Variants in ZBBX observed in about 807,000 individuals in gnomAD.
The protein encoded by ZBBX is zinc finger B-box domain containing, also known as zinc finger B-box domain-containing protein 1.
In ZBBX, 101 loss-of-function variants were observed where a neutral mutation model predicts 108.5. The ratio of observed to expected loss-of-function variants is 0.93; its 90% confidence interval spans 0.79 to 1.10. ZBBX has a LOEUF of 1.10. Among genes scored for constraint, ZBBX ranks in the 50% least tolerant of loss-of-function variants. The probability of loss-of-function intolerance (pLI) is 0.00; values close to 1 mark genes in which losing one functional copy is unlikely to be tolerated. For missense variants in ZBBX, 1,009 were observed against 941.4 expected, an observed-to-expected ratio of 1.07 and a Z score of -0.94; for synonymous variants, 356 against 323.4, an observed-to-expected ratio of 1.10 and a Z score of -1.08.
downstream of ZBBX, among the ~76,000 whole-genome samples, chr3:167,239,342 T>C (rs1720363019): frequency 6.6e-6 from 1 of 152,128 alleles, no homozygotes; most frequent in Admixed American, 6.6e-5. Flanking sequence ...TAGAATATAA[T>C]TGACCCTTGA....
chr3:167,309,049 C>A (rs953021173), intron 16 of ZBBX, among the ~76,000 whole-genome samples: 1 of 152,088 alleles, frequency 6.6e-6, no homozygotes, highest in Non-Finnish European at 1.5e-5. Flanking sequence ...ACCTGATGAC[C>A]CAGAAGTTGC....
chr3:167,205,527 G>C, the ZBBX span, among the ~76,000 whole-genome samples: 5 of 152,110 alleles, frequency 3.3e-5, no homozygotes, highest in Admixed American at 3.3e-4. Context: ...TGACTTTATA[G>C]AATTACTGAA....
intron 1 of ZBBX, among the ~76,000 whole-genome samples, chr3:167,400,585 T>C (rs1041072497): frequency 5.3e-5 from 8 of 152,110 alleles, no homozygotes; most frequent in African/African-American, 1.9e-4. Flanking sequence ...TTTAAATTCC[T>C]TATAGTACCG....
rs201613366 is a variant in ZBBX at position 167,348,441 on chromosome 3, AG to A, written c.528+1978del. On this transcript the variant is annotated intron_variant, in intron 9 of 21. Transcript: ENST00000675490. ...AAAGAGAAGAGGGAGAGAGAAAGAG[AG>A]AGAAGGAGAGAAAGAGGAAAGAAAG... Among the ~76,000 whole-genome samples the A allele has an allele frequency of 2.1e-3, 301 of 145,912 alleles. 4 individuals carry two copies. Among genetic ancestry groups the A allele is most frequent in the African/African-American group, 7.6e-3 (299 of 39,406 alleles).
intron 10 of ZBBX, among the ~76,000 whole-genome samples, chr3:167,329,607 A>T (rs1168614999): frequency 6.6e-6 from 1 of 152,220 alleles, no homozygotes; most frequent in Non-Finnish European, 1.5e-5. Flanking sequence ...TCCATAAGCA[A>T]AAAGTGCCAA....
chr3:167,180,187 G>A, the ZBBX span, among the ~76,000 whole-genome samples: 1 of 152,116 alleles, frequency 6.6e-6, no homozygotes, highest in Admixed American at 6.6e-5. Context: ...ATTTATTTGA[G>A]CATTATGCAC....
the ZBBX span, among the ~76,000 whole-genome samples, chr3:167,193,996 G>A: frequency 6.6e-6 from 1 of 151,948 alleles, no homozygotes; most frequent in Admixed American, 6.6e-5. Context: ...GTTGAAGAGA[G>A]GTTGGGAATG....
chr3:167,193,153 T>C, the ZBBX span, among the ~76,000 whole-genome samples: 1 of 152,180 alleles, frequency 6.6e-6, no homozygotes, highest in South Asian at 2.1e-4. Flanking sequence ...TACCTGTTGG[T>C]TGTCTTTCTT....
At chr3:167,398,406 T>C (rs779094660) in intron 1 of ZBBX, among the ~76,000 whole-genome samples, 18 of 152,090 alleles carry the variant, frequency 1.2e-4, no homozygotes, top group Non-Finnish European at 4.4e-5. Flanking sequence ...GTCAATAATA[T>C]GCTTTTATTA....
At chr3:167,185,390 T>C in the ZBBX span, among the ~76,000 whole-genome samples, 1 of 152,094 alleles carries the variant, frequency 6.6e-6, no homozygotes, top group Admixed American at 6.6e-5. Flanking sequence ...CAGTAAAATT[T>C]GGTGGAATAG....
At chr3:167,362,947 C>A (rs1052410511) in intron 6 of ZBBX, among the ~76,000 whole-genome samples, 2 of 151,840 alleles carry the variant, frequency 1.3e-5, no homozygotes, top group African/African-American at 4.8e-5. Context: ...GTCTTAGAGA[C>A]TTCAATGCAC....
At chr3:167,310,052 C>G (rs1734319978) in intron 16 of ZBBX, among the ~76,000 whole-genome samples, 1 of 152,150 alleles carries the variant, frequency 6.6e-6, no homozygotes, top group African/African-American at 2.4e-5. Flanking sequence ...GAAATTCCTT[C>G]TGCCAGATGC....
chr3:167,338,175 A>T (rs542709654), intron 9 of ZBBX, among the ~76,000 whole-genome samples: 1 of 152,074 alleles, frequency 6.6e-6, no homozygotes, highest in African/African-American at 2.4e-5. Flanking sequence ...CCTTCACTAC[A>T]CTGTATAATG....
intron 20 of ZBBX, among the ~76,000 whole-genome samples, chr3:167,277,842 C>T (rs1180802867): frequency 6.6e-6 from 1 of 152,112 alleles, no homozygotes; most frequent in Non-Finnish European, 1.5e-5. Flanking sequence ...TGACCACATA[C>T]TTGGAAGTAA....
intron 16 of ZBBX, among the ~76,000 whole-genome samples, chr3:167,312,114 G>T (rs1018528192): frequency 6.9e-4 from 105 of 152,052 alleles, no homozygotes; most frequent in African/African-American, 2.5e-3. Flanking sequence ...AAAGAAATGA[G>T]AAATCAAGCC....
intron 8 of ZBBX, among the ~76,000 whole-genome samples, chr3:167,355,330 C>T (rs566605609): frequency 2.0e-5 from 3 of 152,002 alleles, no homozygotes; most frequent in African/African-American, 4.8e-5. Context: ...TAACTCATTA[C>T]GTGTGATAAC....
the ZBBX span, among the ~76,000 whole-genome samples, chr3:167,219,204 T>C: frequency 1.3e-5 from 2 of 151,978 alleles, no homozygotes; most frequent in Non-Finnish European, 2.9e-5. Flanking sequence ...ACACCCCACT[T>C]TCAGCATTAC....
the ZBBX span, among the ~76,000 whole-genome samples, chr3:167,185,978 G>A: frequency 1.3e-5 from 2 of 151,488 alleles, no homozygotes; most frequent in Admixed American, 1.3e-4. Flanking sequence ...TTTTCCTCTT[G>A]GGGTAAATTT....
chr3:167,213,974 T>C, the ZBBX span, among the ~76,000 whole-genome samples: 1 of 152,112 alleles, frequency 6.6e-6, no homozygotes, highest in East Asian at 1.9e-4. Flanking sequence ...CCTTTTCAGA[T>C]AAGCAAATTT....
Sources: allele counts gnomAD v4.1 joint callset (sites outside exome capture counted in the v4.1 genomes callset), GRCh38; gene constraint gnomAD v4.1.1; transcripts MANE v1.5; gene names NCBI Gene and HGNC (gene_info 2026-07-23, HGNC 2026-07-21).